EFR3A: variants seen among roughly 807,000 people sequenced by gnomAD.
EFR3A encodes the protein EFR3 homolog A.
A neutral mutation model predicts 104.4 loss-of-function variants in EFR3A; 76 were observed. The ratio of observed to expected loss-of-function variants is 0.73; its 90% CI spans 0.60 to 0.88. EFR3A has a LOEUF of 0.88. Among genes scored for constraint, EFR3A ranks in the 40% least tolerant of loss-of-function variants. The probability of loss-of-function intolerance (pLI) is 0.00; values close to 1 mark genes in which losing one functional copy is unlikely to be tolerated. For missense variants in EFR3A, 985 were observed against 1,012.5 expected, an observed-to-expected ratio of 0.97 and a Z score of 0.37; for synonymous variants, 330 against 330.0, an observed-to-expected ratio of 1.00 and a Z score of 0.00.
In EFR3A at chr8:131,970,575, T is replaced by C. The variant is rs377584363; in HGVS notation, c.1091T>C (p.Val364Ala). ...TTACAGGGGGGATCTGTAGGCAGTG[T>C]CAACTTAAATACAAGTTCCAAAGAC... ...NDLQGGSVGS[V>A]NLNTSSKDND... The change falls in exon 10 of 23, where the codon GTC becomes GCC. Residue 364 changes from valine (V) to alanine (A), a missense_variant. By Grantham distance (64) the Val-to-Ala change is moderately conservative. Coordinates refer to ENST00000254624, the MANE Select transcript of EFR3A (RefSeq NM_015137.6). The C allele has an allele frequency of 1.2e-5, 20 of 1,613,716 alleles. No individual in the cohort carries two copies. The East Asian group carries it at 2.5e-4, about 20-fold the overall frequency.
chr8:131,962,322 G>C (rs569583676), intron 8 of EFR3A, among the ~76,000 whole-genome samples: 1 of 152,102 alleles, frequency 6.6e-6, no homozygotes, highest in East Asian at 1.9e-4. Flanking sequence ...CCCATCTCAC[G>C]TGCAGAGACA....
At chr8:131,985,972 T>C (rs1439181051) in intron 16 of EFR3A, among the ~76,000 whole-genome samples, 1 of 152,252 alleles carries the variant, frequency 6.6e-6, no homozygotes, top group African/African-American at 2.4e-5. Context: ...TATATTATTT[T>C]ATTGTCACAG....
chr8:131,967,128 G>C (rs1819782117), intron 8 of EFR3A, among the ~76,000 whole-genome samples: 1 of 152,120 alleles, frequency 6.6e-6, no homozygotes, highest in Non-Finnish European at 1.5e-5. Flanking sequence ...TGGACAAGAA[G>C]TTCAGTTTCA....
chr8:131,966,826 A>G (rs1819764520), intron 8 of EFR3A, among the ~76,000 whole-genome samples: 1 of 152,178 alleles, frequency 6.6e-6, no homozygotes, highest in African/African-American at 2.4e-5. Flanking sequence ...CCATAGGTAA[A>G]TGAAACCTCA....
At chr8:131,943,273 C>G (rs1305793897) in intron 2 of EFR3A, among the ~76,000 whole-genome samples, 1 of 152,086 alleles carries the variant, frequency 6.6e-6, no homozygotes, top group Non-Finnish European at 1.5e-5. Flanking sequence ...TTATTTTTAG[C>G]AGTGTCTTCA....
At chr8:131,998,832 A>C (rs1451931205) in intron 19 of EFR3A, among the ~76,000 whole-genome samples, 2 of 151,852 alleles carry the variant, frequency 1.3e-5, no homozygotes, top group African/African-American at 4.8e-5. Context: ...CTTTAGACGA[A>C]TGCTTCCCAA....
intron 8 of EFR3A, among the ~76,000 whole-genome samples, chr8:131,964,991 G>T (rs1254219456): frequency 1.3e-5 from 2 of 152,082 alleles, no homozygotes; most frequent in Admixed American, 1.3e-4. Flanking sequence ...ACTAAATGGT[G>T]CTGGGAAAAC....
intron 14 of EFR3A, 67 bp downstream of exon 14, chr8:131,979,488 T>A (rs940831538): frequency 2.6e-6 from 3 of 1,153,720 alleles, no homozygotes; most frequent in African/African-American, 3.1e-5. Flanking sequence ...TTAGGTGGTT[T>A]TATATTGATC....
At chr8:132,010,407 G>GATATACATAT (rs1554610360) in intron 22 of EFR3A, among the ~76,000 whole-genome samples, 1 of 81,880 alleles carries the variant, frequency 1.2e-5, no homozygotes, top group African/African-American at 4.9e-5. Context: ...TCAAGTATGA[G>GATATACATAT]ATATATATAT....
At chr8:131,919,346 C>G (rs28670627) in intron 1 of EFR3A, among the ~76,000 whole-genome samples, 25,555 of 151,856 alleles carry the variant, frequency 0.17, 2,415 homozygotes, top group East Asian at 0.33. Context: ...GCCTGTAATC[C>G]CAGCACTTTG....
intron 2 of EFR3A, among the ~76,000 whole-genome samples, chr8:131,942,699 A>G (rs1411107061): frequency 1.3e-5 from 2 of 152,114 alleles, no homozygotes; most frequent in Non-Finnish European, 2.9e-5. Flanking sequence ...ACTGTGAGGT[A>G]GAAGAACATG....
intron 7 of EFR3A, among the ~76,000 whole-genome samples, chr8:131,957,177 G>A (rs1819046383): frequency 6.6e-6 from 1 of 152,064 alleles, no homozygotes; most frequent in African/African-American, 2.4e-5. Flanking sequence ...AATGCCCTCT[G>A]CAAGTGAGGT....
intron 18 of EFR3A, among the ~76,000 whole-genome samples, chr8:131,995,519 G>A (rs1821429261): frequency 1.3e-5 from 2 of 152,144 alleles, no homozygotes; most frequent in African/African-American, 4.8e-5. Flanking sequence ...TAGAAAAACA[G>A]AAGTAGAAAA....
At chr8:132,006,272 T>C (rs892947111) in intron 22 of EFR3A, among the ~76,000 whole-genome samples, 1 of 152,040 alleles carries the variant, frequency 6.6e-6, no homozygotes, top group African/African-American at 2.4e-5. Flanking sequence ...TTAACAAACC[T>C]AAAAGTTTGT....
chr8:132,002,088 C>T (rs1442569942), intron 20 of EFR3A, among the ~76,000 whole-genome samples: 1 of 152,136 alleles, frequency 6.6e-6, no homozygotes, highest in Non-Finnish European at 1.5e-5. Flanking sequence ...CCAGACCATA[C>T]GTCATCATAA....
In EFR3A at chr8:131,922,101, CT is replaced by C. The variant is rs535605325; in HGVS notation, c.10+17781del. Among the ~76,000 whole-genome samples the C allele has an allele frequency of 1.1e-4, 17 of 152,236 alleles. No individual in the cohort carries two copies. In the East Asian group the frequency reaches 3.3e-3, roughly 29 times the overall value. ...TTAGCTTCTGGTATTTACTGTAGTC[CT>C]TGGAGTTCCTTGGCTTGTGGCAAAA... On this transcript the variant is annotated intron_variant, in intron 1 of 22. Transcript: ENST00000254624.
chr8:131,945,278 G>A (rs1020212386), intron 3 of EFR3A, among the ~76,000 whole-genome samples: 1 of 151,684 alleles, frequency 6.6e-6, no homozygotes, highest in African/African-American at 2.4e-5. Flanking sequence ...TTTACCTCTC[G>A]GAGGAGTAAT....
At chr8:131,910,259 A>G (rs1197638598) in intron 1 of EFR3A, among the ~76,000 whole-genome samples, 1 of 152,134 alleles carries the variant, frequency 6.6e-6, no homozygotes, top group Non-Finnish European at 1.5e-5. Flanking sequence ...TTGAAGCAAA[A>G]ACAGCTGCAG....
chr8:131,909,359 T>C (rs575085062), intron 1 of EFR3A, among the ~76,000 whole-genome samples: 12 of 152,222 alleles, frequency 7.9e-5, no homozygotes, highest in African/African-American at 2.9e-4. Context: ...TAGACCAGCC[T>C]GGGCAACATA....
Sources: gnomAD v4.1 joint callset for allele counts (sites outside exome capture counted in the v4.1 genomes callset) on GRCh38, gnomAD v4.1.1 for gene constraint, MANE v1.5 for transcripts, NCBI Gene and HGNC (gene_info 2026-07-23, HGNC 2026-07-21) for gene names.